MN1: variants seen among roughly 807,000 people sequenced by gnomAD.
MN1 encodes transcriptional activator MN1.
Under a neutral mutation model 86.9 loss-of-function variants are expected in MN1, and 19 were observed. The observed-to-expected ratio is 0.22, with a 90% CI of 0.15 to 0.32. The LOEUF (loss-of-function observed/expected upper bound fraction) is 0.32. MN1 is among the 10% of genes least tolerant of loss of function. MN1 has a pLI of 1.00. For synonymous variants in MN1, 928 were observed against 849.6 expected (o/e 1.09, Z -1.60); for missense variants, 1,841 against 1,862.0 (o/e 0.99, Z 0.21).
In MN1 at chr22:27,797,850, G is replaced by A; in HGVS notation, c.2694C>T (p.Ser898=). 6.3e-7 allele frequency: 1 copy of A among 1,580,642 alleles called. No homozygotes were observed. Among genetic ancestry groups the A allele is most frequent in the Non-Finnish European group, 8.6e-7 (1 of 1,165,252 alleles). Residue 898 remains serine (S), a synonymous_variant, in exon 1 of 2, where the codon AGC becomes AGT. Transcript: ENST00000302326. ...PGPGGPSGTS[S]SGSKASGPPN... ...GCGGCCCCGAGGCTTTGGAGCCGCTGCTACTGGTCCCGGACGGGCCTCCGG... is the reference window on the plus strand; with the variant it reads ...GCGGCCCCGAGGCTTTGGAGCCGCTACTACTGGTCCCGGACGGGCCTCCGG...
In MN1 at chr22:27,798,529, G is replaced by A. The variant is rs200288788; in HGVS notation, c.2015C>T (p.Ser672Leu). 1.3e-3 allele frequency: 1,941 copies of A among 1,522,470 alleles called. 2 individuals are homozygous for A. Among genetic ancestry groups the A allele is most frequent in the Non-Finnish European group, 1.5e-3 (1,730 of 1,145,782 alleles). The allele number at this position is 1,522,470 out of a possible 1,614,324, so 94.3% of individuals were successfully genotyped here. A position where few individuals can be genotyped will look rare whatever the true frequency, so the allele number is the denominator to read the frequency against. ...CAGAGGGCCCCGGAACAGCACCCCC[G>A]AGCCACCAGGCGGAGGAGGGGGCGC... ...SLAPPPPPGG[S>L]GVLFRGPLQE... The change falls in exon 1 of 2, where the codon TCG (serine) becomes TTG (leucine). Residue 672 changes from serine to leucine, a missense_variant. Physicochemically the swap from Ser to Leu is moderately radical, Grantham distance 145. Transcript: ENST00000302326.
At chr22:27,764,252 T>C (rs1257162892) in intron 1 of MN1, among the ~76,000 whole-genome samples, 2 of 152,218 alleles carry the variant, frequency 1.3e-5, no homozygotes, top group Non-Finnish European at 2.9e-5. Context: ...ACATAGCCCC[T>C]TATTGAGAAC....
At chr22:27,788,063 C>G (rs1333028598) in intron 1 of MN1, among the ~76,000 whole-genome samples, 2 of 152,232 alleles carry the variant, frequency 1.3e-5, no homozygotes, top group East Asian at 3.8e-4. Flanking sequence ...CATACACCCT[C>G]AGCCTAGCCC....
chr22:27,791,589 C>T (rs764284101), intron 1 of MN1, among the ~76,000 whole-genome samples: 2 of 151,982 alleles, frequency 1.3e-5, no homozygotes, highest in Non-Finnish European at 1.5e-5. Context: ...AACAGAGGAC[C>T]GCTCTGGCAT....
intron 1 of MN1, among the ~76,000 whole-genome samples, chr22:27,788,337 C>G (rs908683671): frequency 1.3e-5 from 2 of 152,134 alleles, no homozygotes; most frequent in African/African-American, 4.8e-5. Flanking sequence ...GGCCCTAAAA[C>G]TTGCAAGGAC....
intron 1 of MN1, among the ~76,000 whole-genome samples, chr22:27,753,554 T>C (rs1433169284): frequency 1.3e-5 from 2 of 152,156 alleles, no homozygotes; most frequent in South Asian, 2.1e-4. Context: ...CCCCACTACT[T>C]CCTGGGGCCC....
At chr22:27,777,968 GGGAA>G (rs1933002065) in intron 1 of MN1, among the ~76,000 whole-genome samples, 1 of 152,042 alleles carries the variant, frequency 6.6e-6, no homozygotes, top group South Asian at 2.1e-4. Flanking sequence ...ACAAAGCAGT[GGGAA>G]CAGCTACCAG....
chr22:27,768,640 T>A lies in MN1; in HGVS notation c.3782-17544A>T, dbSNP rs577357287. Among the ~76,000 whole-genome samples, 15 of 152,250 alleles carry A rather than the reference T, an allele frequency of 9.9e-5. No individual in the cohort carries two copies. In the South Asian group the frequency reaches 2.7e-3, roughly 27 times the overall value. On this transcript the variant is annotated intron_variant, in intron 1 of 1. Transcript: ENST00000302326. ...AGCCATGTGCAGCTTTCACATTTTT[T>A]AAATAAAATTTGAAAATTGGCCAGG...
At chr22:27,754,600 G>A (rs1012927415) in intron 1 of MN1, among the ~76,000 whole-genome samples, 10 of 152,286 alleles carry the variant, frequency 6.6e-5, no homozygotes, top group Non-Finnish European at 1.3e-4. Context: ...TCATCCTCCC[G>A]CTGGATTCAT....
intron 1 of MN1, among the ~76,000 whole-genome samples, chr22:27,778,608 C>G (rs147858314): frequency 7.2e-5 from 11 of 152,364 alleles, no homozygotes; most frequent in African/African-American, 2.4e-4. Context: ...GCCACGACCC[C>G]GTTTAACCCA....
At chr22:27,772,344 C>T (rs1932924755) in intron 1 of MN1, among the ~76,000 whole-genome samples, 1 of 152,202 alleles carries the variant, frequency 6.6e-6, no homozygotes, top group African/African-American at 2.4e-5. Flanking sequence ...TGAAATCAAT[C>T]CGGCTTCTAC....
In MN1 at chr22:27,801,390, C is replaced by T. The variant is rs1172136719; in HGVS notation, c.-847G>A. The T allele has an allele frequency of 4.7e-6, 1 of 212,920 alleles. No individual in the cohort carries two copies. Among genetic ancestry groups the T allele is most frequent in the Non-Finnish European group, 9.5e-6 (1 of 104,958 alleles). The allele number at this position is 212,920 out of a possible 1,614,324, so 13.2% of individuals were successfully genotyped here. A position where few individuals can be genotyped will look rare whatever the true frequency, so the allele number is the denominator to read the frequency against. On this transcript the variant is annotated 5_prime_UTR_variant, in exon 1 of 2. Transcript: ENST00000302326. ...CGCCGCCTGCCGCTTCTGTTCTCCG[C>T]CGTTGGGTGTCTGAGTTCGCCGGAG...
chr22:27,780,565 T>C (rs140249532), intron 1 of MN1, among the ~76,000 whole-genome samples: 125 of 152,164 alleles, frequency 8.2e-4, no homozygotes, highest in African/African-American at 2.9e-3. Context: ...TATTTTTCTC[T>C]CCCCCTACCC....
chr22:27,780,618 T>C (rs1488801387), intron 1 of MN1, among the ~76,000 whole-genome samples: 1 of 152,208 alleles, frequency 6.6e-6, no homozygotes, highest in Admixed American at 6.5e-5. Flanking sequence ...AGAACACTAG[T>C]GGCTGGCTCC....
rs748318512 is a variant in MN1, at chr22:27,797,664, G to A, written c.2880C>T (p.Asp960=). 8.7e-6 allele frequency: 14 copies of A among 1,605,032 alleles called. No individual in the cohort carries two copies. Among genetic ancestry groups the A allele is most frequent in the Admixed American group, 1.7e-5 (1 of 58,990 alleles). The change falls in exon 1 of 2, where the codon GAC becomes GAT. Residue 960 remains aspartate (D), a synonymous_variant. Transcript: ENST00000302326. ...SGHVSPGTFF[D]KYSAAPDSGG... Reference sequence around the variant, plus strand: ...CGCTGTCCGGAGCCGCCGAGTACTTGTCAAAGAAGGTGCCAGGGCTCACGT... The same window carrying A: ...CGCTGTCCGGAGCCGCCGAGTACTTATCAAAGAAGGTGCCAGGGCTCACGT...
Position 27,748,956 on chromosome 22 carries a change from C to T in MN1, c.*1959G>A, listed in dbSNP as rs959750164. The T allele has an allele frequency of 2.6e-5, 6 of 231,058 alleles. No homozygotes were observed. Among genetic ancestry groups the T allele is most frequent in the African/African-American group, 1.3e-4 (6 of 45,210 alleles). 14.3% of individuals were successfully genotyped at this position (231,058 alleles called of 1,614,324 possible). A position where few individuals can be genotyped will look rare whatever the true frequency, so the allele number is the denominator to read the frequency against. ...CATGGAGTCTTGCCCAGAATACGGT[C>T]AACTCTCCCACAGCCCATGGTGGGG... On this transcript the variant is annotated 3_prime_UTR_variant, in exon 2 of 2. Transcript: ENST00000302326.
In MN1 at chr22:27,796,861, T is replaced by C; in HGVS notation, c.3683A>G (p.Tyr1228Cys). The stretch of plus-strand genomic sequence containing the variant: ...CACCAGGGCCTTGTCAGCGGGCATG[T>C]ACCAGGCAGCGCTGTGCTCTGCCAT... ...SLMAEHSAAW[Y>C]MPADKALVDS... Residue 1228 changes from tyrosine to cysteine, a missense_variant, in exon 1 of 2, where the codon TAC becomes TGC. Physicochemically the swap from Tyr to Cys is radical, Grantham distance 194. Transcript: ENST00000302326. The C allele has an allele frequency of 1.2e-6, 2 of 1,613,090 alleles. No individual in the cohort carries two copies. The highest frequency in any genetic ancestry group is 2.2e-5 in the East Asian group (1 of 44,870).
rs780318940 is a variant in MN1, at chr22:27,797,489, C to T, written c.3055G>A (p.Gly1019Arg). The T allele has an allele frequency of 5.6e-6, 9 of 1,600,302 alleles. No individual in the cohort carries two copies. In the African/African-American group the frequency reaches 1.2e-4, roughly 21 times the overall value. ...SWGKGAELLL[G>R]DQPDLIGSLD... ...GACCCAATGAGGTCCGGCTGATCCCCCAGGAGCAACTCAGCCCCCTTCCCC... is the reference window on the plus strand; with the variant it reads ...GACCCAATGAGGTCCGGCTGATCCCTCAGGAGCAACTCAGCCCCCTTCCCC... The change falls in exon 1 of 2, where the codon GGG (glycine) becomes AGG (arginine). Residue 1019 changes from glycine to arginine, a missense_variant. Coordinates refer to ENST00000302326, the MANE Select transcript of MN1 (RefSeq NM_002430.3).
At chr22:27,767,652 G>T (rs2146299637) in intron 1 of MN1, among the ~76,000 whole-genome samples, 1 of 152,280 alleles carries the variant, frequency 6.6e-6, no homozygotes, top group South Asian at 2.1e-4. Context: ...GACCTACAGG[G>T]ATAATCTCTG....
Sources: allele counts gnomAD v4.1 joint callset (sites outside exome capture counted in the v4.1 genomes callset), GRCh38; gene constraint gnomAD v4.1.1; transcripts MANE v1.5; gene names NCBI Gene and HGNC (gene_info 2026-07-23, HGNC 2026-07-21).